Variants in PCDH15 observed in about 807,000 individuals in gnomAD.
The protein encoded by PCDH15 is protocadherin related 15.
PCDH15 carries 129 observed loss-of-function variants against 178.5 expected under a neutral mutation model. That is an observed-to-expected ratio of 0.72 (90% CI 0.63 to 0.84). The LOEUF (loss-of-function observed/expected upper bound fraction) is 0.84. Among genes scored for constraint, PCDH15 ranks in the 40% least tolerant of loss-of-function variants. The pLI, the probability that PCDH15 is intolerant of heterozygous loss-of-function variation, is 0.00. For synonymous variants in PCDH15, 800 were observed against 732.0 expected (o/e 1.09, Z -1.50); for missense variants, 2,230 against 2,099.9 (o/e 1.06, Z -1.21).
intron 25 of PCDH15, among the ~76,000 whole-genome samples, chr10:53,924,118 G>T (rs887668880): frequency 1.3e-5 from 2 of 152,196 alleles, no homozygotes; most frequent in African/African-American, 4.8e-5. Context: ...CTGCACTGTG[G>T]GAGCCCCTCT....
chr10:54,478,524 T>C (rs1436020834), intron 3 of PCDH15, among the ~76,000 whole-genome samples: 2 of 152,136 alleles, frequency 1.3e-5, no homozygotes, highest in Non-Finnish European at 2.9e-5. Context: ...GCCAAATCTT[T>C]ACAAGAAAAG....
At chr10:54,422,207 A>G (rs1955616089) in intron 3 of PCDH15, among the ~76,000 whole-genome samples, 1 of 151,880 alleles carries the variant, frequency 6.6e-6, no homozygotes, top group Admixed American at 6.6e-5. Context: ...TTCCTTTACC[A>G]CAGAGGATGG....
intron 2 of PCDH15, among the ~76,000 whole-genome samples, chr10:54,972,545 AG>A (rs1171491030): frequency 6.7e-6 from 1 of 148,786 alleles, no homozygotes; most frequent in Non-Finnish European, 1.5e-5. Flanking sequence ...TGTCTCAAAA[AG>A]ATTAAAAAAA....
intron 2 of PCDH15, among the ~76,000 whole-genome samples, chr10:55,134,981 C>T: frequency 6.6e-6 from 1 of 152,090 alleles, no homozygotes; most frequent in East Asian, 1.9e-4. Context: ...CATAACATTA[C>T]TTAAAGAACA....
chr10:54,280,632 C>T (rs368027365), intron 8 of PCDH15, among the ~76,000 whole-genome samples: 42 of 151,684 alleles, frequency 2.8e-4, no homozygotes, highest in African/African-American at 9.7e-4. Flanking sequence ...GGCCTTTGTT[C>T]GTTTCATTCT....
At chr10:54,086,399 T>C (rs1265749543) in intron 16 of PCDH15, among the ~76,000 whole-genome samples, 1 of 152,090 alleles carries the variant, frequency 6.6e-6, no homozygotes, top group Non-Finnish European at 1.5e-5. Flanking sequence ...TTAGGCCCCA[T>C]CTCCAACATG....
At chr10:54,322,744 C>G (rs936338892) in intron 7 of PCDH15, among the ~76,000 whole-genome samples, 1 of 151,990 alleles carries the variant, frequency 6.6e-6, no homozygotes, top group East Asian at 1.9e-4. Flanking sequence ...AATGTAATAC[C>G]TCAAGCTATA....
Position 54,242,142 on chromosome 10 carries a change from A to T in PCDH15, c.877-5211T>A, listed in dbSNP as rs1267064418. Among the ~76,000 whole-genome samples the T allele has an allele frequency of 3.9e-3, 142 of 36,602 alleles. 5 individuals are homozygous for T. Among genetic ancestry groups the T allele is most frequent in the African/African-American group, 0.022 (125 of 5,766 alleles). 24.0% of individuals were successfully genotyped at this position (36,602 alleles called of 152,430 possible). ...CTGAATTCTATTTTTATATATATAT[A>T]TATATATATATATATATATATATAT... On this transcript the variant is annotated intron_variant, in intron 8 of 37. Transcript: ENST00000644397.
chr10:54,517,482 A>C (rs1044475968), intron 3 of PCDH15, among the ~76,000 whole-genome samples: 3 of 152,162 alleles, frequency 2.0e-5, no homozygotes, highest in African/African-American at 7.2e-5. Flanking sequence ...ACATAATGGT[A>C]AAGGGATCAA....
chr10:55,584,415 T>C (rs992474797), intron 2 of PCDH15, among the ~76,000 whole-genome samples: 2 of 151,418 alleles, frequency 1.3e-5, no homozygotes, highest in Admixed American at 6.6e-5. Flanking sequence ...TCCCAGCACG[T>C]TGAGAGACCG....
chr10:55,567,746 T>G (rs1029659744), intron 2 of PCDH15, among the ~76,000 whole-genome samples: 15 of 151,932 alleles, frequency 9.9e-5, no homozygotes, highest in Non-Finnish European at 2.1e-4. Context: ...GAGATTATTT[T>G]GTAGTTCATA....
intron 2 of PCDH15, among the ~76,000 whole-genome samples, chr10:55,132,609 G>T (rs555920914): frequency 6.6e-6 from 1 of 151,938 alleles, no homozygotes; most frequent in Non-Finnish European, 1.5e-5. Flanking sequence ...TTAAATGTTC[G>T]TTTTCACTCA....
chr10:54,411,533 C>T (rs11004279), intron 3 of PCDH15, among the ~76,000 whole-genome samples: 22,153 of 151,948 alleles, frequency 0.15, 1,707 homozygotes, highest in Middle Eastern at 0.24. Context: ...TCCCACAGTG[C>T]CTGGTTTATA....
chr10:55,452,595 T>C (rs755673350), intron 2 of PCDH15, among the ~76,000 whole-genome samples: 4 of 152,190 alleles, frequency 2.6e-5, no homozygotes, highest in African/African-American at 9.7e-5. Context: ...TATTTTGTTC[T>C]TTTATGGTGT....
intron 27 of PCDH15, among the ~76,000 whole-genome samples, chr10:53,859,608 A>G (rs545968187): frequency 6.6e-6 from 1 of 152,198 alleles, no homozygotes; most frequent in African/African-American, 2.4e-5. Context: ...CAGGCCTTCA[A>G]AAATAGACCC....
chr10:54,181,491 C>G (rs1007436094), intron 13 of PCDH15, among the ~76,000 whole-genome samples: 3 of 152,058 alleles, frequency 2.0e-5, no homozygotes, highest in Non-Finnish European at 2.9e-5. Flanking sequence ...TTCTGTCACC[C>G]AGATACTGAG....
At chr10:54,076,229 T>G (rs2094339858) in intron 17 of PCDH15, among the ~76,000 whole-genome samples, 1 of 152,178 alleles carries the variant, frequency 6.6e-6, no homozygotes, top group African/African-American at 2.4e-5. Flanking sequence ...TATTGCAAAT[T>G]GAATTGTTTT....
chr10:54,856,974 G>A (rs939711308), intron 3 of PCDH15, among the ~76,000 whole-genome samples: 2 of 151,946 alleles, frequency 1.3e-5, no homozygotes, highest in Non-Finnish European at 2.9e-5. Flanking sequence ...TTTTTACAGT[G>A]AATATTTCCT....
chr10:54,804,051 T>C (rs929336048), upstream of PCDH15, among the ~76,000 whole-genome samples: 2 of 152,196 alleles, frequency 1.3e-5, no homozygotes, highest in East Asian at 3.9e-4. Flanking sequence ...TTTTCTTTTT[T>C]TTTTTTGAGA....
Sources: allele counts gnomAD v4.1 joint callset (sites outside exome capture counted in the v4.1 genomes callset), GRCh38; gene constraint gnomAD v4.1.1; transcripts MANE v1.5; gene names NCBI Gene and HGNC (gene_info 2026-07-23, HGNC 2026-07-21).